Variants in ANKRD36 observed in about 807,000 individuals in gnomAD.
The protein encoded by ANKRD36 is ankyrin repeat domain-containing protein 36A.
Under a neutral mutation model 278.1 loss-of-function variants are expected in ANKRD36, and 179 were observed. The ratio of observed to expected loss-of-function variants is 0.64; its 90% CI spans 0.57 to 0.73. The LOEUF is 0.73. Among genes scored for constraint, ANKRD36 ranks in the 30% least tolerant of loss-of-function variants. ANKRD36 has a pLI of 0.00. For missense variants in ANKRD36, 1,159 were observed against 1,956.7 expected (o/e 0.59, Z 7.69); for synonymous variants, 320 against 641.1 (o/e 0.50, Z 7.57).
Position 97,198,404 on chromosome 2 carries a change from G to A in ANKRD36, c.2654-59G>A, listed in dbSNP as rs1468067628. The stretch of plus-strand genomic sequence containing the variant: ...AGGTTGATGCTAACACTGTATGAAT[G>A]TATGGATAATTTTGTCGTTTTTACA... On this transcript the variant is annotated intron_variant, in intron 42 of 75. Coordinates refer to ENST00000420699, the MANE Select transcript of ANKRD36 (RefSeq NM_001354587.1). 10 of 1,554,384 alleles carry A rather than the reference G, an allele frequency of 6.4e-6. No individual in the cohort carries two copies. The African/African-American group carries it at 8.2e-5, about 13-fold the overall frequency.
intron 50 of ANKRD36, 77 bp downstream of exon 50, chr2:97,204,340 G>A (rs2062231159): frequency 5.5e-6 from 8 of 1,449,912 alleles, no homozygotes; most frequent in Non-Finnish European, 7.4e-6. Flanking sequence ...AAATCAGCGG[G>A]GGGCTCGTTG....
intron 22 of ANKRD36, among the ~76,000 whole-genome samples, chr2:97,171,389 A>C (rs1481173314): frequency 6.8e-6 from 1 of 147,602 alleles, no homozygotes; most frequent in African/African-American, 2.5e-5. Context: ...TGATGAGTTC[A>C]TGTCCTTTGA....
In ANKRD36 at chr2:97,211,699, A is replaced by G; in HGVS notation, c.3427A>G (p.Asn1143Asp). 1.3e-6 allele frequency: 2 copies of G among 1,595,266 alleles called. No individual in the cohort carries two copies. The highest frequency in any genetic ancestry group is 1.7e-6 in the Non-Finnish European group (2 of 1,172,080). Residue 1143 changes from asparagine (N) to aspartate (D), a missense_variant, in exon 58 of 76, where the codon AAT becomes GAT. Asn to Asp is a conservative substitution (Grantham distance 23). Coordinates refer to ENST00000420699, the MANE Select transcript of ANKRD36 (RefSeq NM_001354587.1). ...AICDKEDSVP[N>D]MATEKKDEQI... is the part of the protein sequence containing the mutation. ...CTGTGACAAGGAAGATTCTGTTCCG[A>G]ATATGGCCACGGAAAAAAAGGATGA...
intron 48 of ANKRD36, among the ~76,000 whole-genome samples, chr2:97,202,803 A>G (rs919550718): frequency 1.3e-5 from 2 of 151,820 alleles, no homozygotes; most frequent in Non-Finnish European, 2.9e-5. Flanking sequence ...ACTGTAGGAG[A>G]AGTAAGGAGA....
chr2:97,226,807 G>A (rs1475249258), intron 67 of ANKRD36, among the ~76,000 whole-genome samples: 6 of 151,450 alleles, frequency 4.0e-5, no homozygotes, highest in East Asian at 2.0e-4. Flanking sequence ...TTTGTATAAG[G>A]TGTAAGGAAG....
At chr2:97,227,116 T>A (rs1388023537) in intron 67 of ANKRD36, among the ~76,000 whole-genome samples, 1 of 152,120 alleles carries the variant, frequency 6.6e-6, no homozygotes, top group African/African-American at 2.4e-5. Context: ...CGGGCTCTTT[T>A]TTGGTTCCAT....
chr2:97,260,569 G>T (rs1354699661), intron 75 of ANKRD36, among the ~76,000 whole-genome samples: 4 of 108,474 alleles, frequency 3.7e-5, no homozygotes, highest in African/African-American at 1.5e-4. Context: ...AGGTTTAGAA[G>T]AACTTAAAAA....
chr2:97,177,309 C>G (rs1222451113), intron 22 of ANKRD36, among the ~76,000 whole-genome samples: 1 of 151,812 alleles, frequency 6.6e-6, no homozygotes, highest in Non-Finnish European at 1.5e-5. Flanking sequence ...CCTTTCTTCA[C>G]AGAATTGGAA....
At chr2:97,172,551 G>A (rs894184761) in intron 22 of ANKRD36, among the ~76,000 whole-genome samples, 35 of 151,910 alleles carry the variant, frequency 2.3e-4, no homozygotes, top group Non-Finnish European at 4.6e-4. Context: ...GATTGCACCT[G>A]TTTCCCCCTT....
intron 26 of ANKRD36, among the ~76,000 whole-genome samples, 159 bp downstream of exon 26, chr2:97,181,952 C>T (rs1027475137): frequency 2.2e-4 from 33 of 151,508 alleles, no homozygotes; most frequent in Non-Finnish European, 3.4e-4. Context: ...TGCTGGTCTT[C>T]GACATGATCT....
intron 22 of ANKRD36, among the ~76,000 whole-genome samples, chr2:97,177,221 A>T: frequency 6.6e-6 from 1 of 151,990 alleles, no homozygotes; most frequent in Non-Finnish European, 1.5e-5. Context: ...ATGCATAGGA[A>T]GAATCAATAT....
chr2:97,206,261 A>T, intron 52 of ANKRD36, 126 bp downstream of exon 52: 1 of 1,135,616 alleles, frequency 8.8e-7, no homozygotes, highest in Non-Finnish European at 1.2e-6. Flanking sequence ...GAGATTCTTC[A>T]TTTGTAGTAC....
rs1478544110 is a variant in ANKRD36, at chr2:97,256,289, G to A, written c.*6+6116G>A. On this transcript the variant is annotated intron_variant, in intron 75 of 75. Transcript: ENST00000420699. ...GGAGAATTGCTTGAACCTGGGAGGC[G>A]GAGGCTGCAGTTAGCTGAGACTGTG... Among the ~76,000 whole-genome samples, 599 of 151,126 alleles carry A rather than the reference G, an allele frequency of 4.0e-3. No homozygotes were observed. In the East Asian group the frequency reaches 0.07, roughly 18 times the overall value.
At chr2:97,262,332 TTAG>T (rs1261272649) in intron 75 of ANKRD36, 1 of 68,244 alleles carries the variant, frequency 1.5e-5, no homozygotes, top group Non-Finnish European at 2.3e-5. Flanking sequence ...GAAGACAACT[TTAG>T]AGAGTTATGG....
intron 67 of ANKRD36, among the ~76,000 whole-genome samples, chr2:97,227,333 G>C (rs890777169): frequency 3.9e-5 from 6 of 152,080 alleles, no homozygotes; most frequent in Admixed American, 3.9e-4. Context: ...CCTTGAAGAG[G>C]TCCTTCACAT....
Position 97,200,528 on chromosome 2 carries a change from A to G in ANKRD36, c.2857+3A>G. On this transcript the variant is annotated splice_donor_region_variant and intron_variant, in intron 46 of 75. Coordinates refer to ENST00000420699, the MANE Select transcript of ANKRD36 (RefSeq NM_001354587.1). Reference sequence around the variant, plus strand: ...GGATGGAGAAATATCTAGGAAAGGTAATTTTGCGAAACACATTTAATGTCA... The same window carrying G: ...GGATGGAGAAATATCTAGGAAAGGTGATTTTGCGAAACACATTTAATGTCA... The G allele has an allele frequency of 1.3e-6, 2 of 1,552,054 alleles. No individual in the cohort carries two copies. The highest frequency in any genetic ancestry group is 1.7e-6 in the Non-Finnish European group (2 of 1,153,252).
intron 8 of ANKRD36, 33 bp downstream of exon 8, chr2:97,142,868 A>T: frequency 6.5e-7 from 1 of 1,538,618 alleles, no homozygotes; most frequent in South Asian, 1.2e-5. Flanking sequence ...TGTCATGTTC[A>T]CTCAGGATAG....
At chr2:97,262,682 C>A (rs759701782) in intron 75 of ANKRD36, among the ~76,000 whole-genome samples, 6 of 133,894 alleles carry the variant, frequency 4.5e-5, no homozygotes, top group Non-Finnish European at 9.2e-5. Flanking sequence ...GGTGGTTGAT[C>A]TCTCCTGGAT....
chr2:97,195,943 G>C (rs1391363856), intron 40 of ANKRD36, among the ~76,000 whole-genome samples: 3 of 151,936 alleles, frequency 2.0e-5, no homozygotes, highest in Admixed American at 6.6e-5. Flanking sequence ...GCCATGAGTG[G>C]ATGAAGAAAC....
Sources: gnomAD v4.1 joint callset for allele counts (sites outside exome capture counted in the v4.1 genomes callset) on GRCh38, gnomAD v4.1.1 for gene constraint, MANE v1.5 for transcripts, NCBI Gene and HGNC (gene_info 2026-07-23, HGNC 2026-07-21) for gene names.